The following TTN variants were observed in gnomAD, a reference collection of about 807,000 sequenced individuals.
TTN encodes titin, also known as connectin.
In TTN, 1,525 loss-of-function variants were observed where a neutral mutation model predicts 3,223.0. That is an observed-to-expected ratio of 0.47 (90% CI 0.45 to 0.49). The LOEUF (loss-of-function observed/expected upper bound fraction) is 0.49, where lower values mean the gene tolerates loss of function less well. Among genes scored for constraint, TTN ranks in the 20% least tolerant of loss-of-function variants. TTN has a pLI of 0.00. For missense variants in TTN, 40,786 were observed against 43,424.0 expected (o/e 0.94, Z 5.40); for synonymous variants, 14,094 against 15,161.0 (o/e 0.93, Z 5.17).
Position 178,695,849 on chromosome 2 carries a change from T to C in TTN, c.31207+16A>G. On this transcript the variant is annotated intron_variant, in intron 114 of 362. Transcript: ENST00000589042. ...ATGAAGAAAAGAGGGAAACAAGTCATTCAGTTTATACATACCTTCATAGAC... is the reference window on the plus strand; with the variant it reads ...ATGAAGAAAAGAGGGAAACAAGTCACTCAGTTTATACATACCTTCATAGAC... The C allele has an allele frequency of 7.3e-7, 1 of 1,374,992 alleles. No homozygotes were observed. Among genetic ancestry groups the C allele is most frequent in the Non-Finnish European group, 9.4e-7 (1 of 1,060,728 alleles). The allele number at this position is 1,374,992 out of a possible 1,614,324, so 85.2% of individuals were successfully genotyped here.
intron 240 of TTN, among the ~76,000 whole-genome samples, chr2:178,628,190 TTTG>T (rs753053226): frequency 1.2e-4 from 19 of 152,122 alleles, no homozygotes; most frequent in South Asian, 2.1e-4. Flanking sequence ...GAATACTAGT[TTTG>T]TTGTTGTTGT....
At position 178,554,560 on chromosome 2, in the gene TTN, G is replaced by A. The variant is rs786205371; in HGVS notation, c.88787C>T (p.Thr29596Ile). Reference protein sequence around the residue: ...EHLEECIITTTKIIKGNEYIF... With the variant: ...EHLEECIITTIKIIKGNEYIF... ...GTATTCATTTCCTTTGATAATTTTG[G>A]TGGTTGTAATGATGCACTCTTCCAA... Residue 29596 changes from threonine (T) to isoleucine (I), a missense_variant, in exon 332 of 363, where the codon ACC (threonine) becomes ATC (isoleucine). Thr to Ile is a moderately conservative substitution (Grantham distance 89, BLOSUM62 -1). Coordinates refer to ENST00000589042, the MANE Select transcript of TTN (RefSeq NM_001267550.2). The A allele has an allele frequency of 4.3e-6, 7 of 1,613,768 alleles. No homozygotes were observed. The highest frequency in any genetic ancestry group is 5.9e-6 in the Non-Finnish European group (7 of 1,179,824).
rs794729244 is a variant in TTN, at chr2:178,579,561, C to T, written c.67636G>A (p.Val22546Met). Residue 22546 changes from valine (V) to methionine (M), a missense_variant and splice_region_variant, in exon 319 of 363, where the codon GTG becomes ATG. Physicochemically the swap from Val to Met is conservative, Grantham distance 21. Coordinates refer to ENST00000589042, the MANE Select transcript of TTN (RefSeq NM_001267550.2). ...TGAAGATGTGTGCATAGAGCCTTAC[C>T]AACATCATCCCTTGCCACAACAGTG... ...EITVVARDDV[V>M]APDLDLKGLP... 6.2e-7 allele frequency: 1 copy of T among 1,612,922 alleles called. No individual in the cohort carries two copies. The highest frequency in any genetic ancestry group is 8.5e-7 in the Non-Finnish European group (1 of 1,179,440).
chr2:178,682,895 T>C lies in TTN; in HGVS notation c.32896A>G (p.Ile10966Val). The C allele has an allele frequency of 4.4e-6, 7 of 1,600,666 alleles. No individual in the cohort carries two copies. The highest frequency in any genetic ancestry group is 6.0e-6 in the Non-Finnish European group (7 of 1,174,482). Residue 10966 changes from isoleucine (I) to valine (V), a missense_variant, in exon 135 of 363, where the codon ATA becomes GTA. Transcript: ENST00000589042. ...TAAGCCCTTTCTTTCTCTTCCATTA[T>C]AGTTACTTCTGAAACAATATTAACA... is the stretch of plus-strand genomic sequence containing the variant. Reference protein sequence around the residue: ...REPQPIKEVTIMEEKERAYTL... With the variant: ...REPQPIKEVTVMEEKERAYTL...
intron 117 of TTN, 119 bp downstream of exon 117, chr2:178,694,479 TA>T: frequency 1.7e-6 from 1 of 602,574 alleles, no homozygotes; most frequent in Non-Finnish European, 2.8e-6. Context: ...TTGTATTATG[TA>T]AAAATGTGCT....
chr2:178,801,282 T>C (rs1344785013), intron 3 of TTN, among the ~76,000 whole-genome samples: 3 of 152,196 alleles, frequency 2.0e-5, no homozygotes, highest in African/African-American at 7.2e-5. Flanking sequence ...TTGGTTATGT[T>C]GAAGGAAATT....
At position 178,607,775 on chromosome 2, in the gene TTN, C is replaced by T. The variant is rs370352450; in HGVS notation, c.53002+10G>A. On this transcript the variant is annotated intron_variant, in intron 276 of 362. Coordinates refer to ENST00000589042, the MANE Select transcript of TTN (RefSeq NM_001267550.2). The stretch of plus-strand genomic sequence containing the variant: ...AATATCCATAATTTTATTCCAATAA[C>T]GTTAAGTACCTTGTGGTTCAGCCAC... 4.2e-5 allele frequency: 68 copies of T among 1,612,500 alleles called. No individual in the cohort carries two copies. The Admixed American group carries it at 8.0e-4, about 19-fold the overall frequency.
chr2:178,769,876 T>C lies in TTN; in HGVS notation c.8705A>G (p.Glu2902Gly). ...GACATTGAAGTGGGACACCTCACAC[T>C]CAAAAGAGGCAGTTTTGGTCTCAGG... Reference protein sequence around the residue: ...EVPETKTASFECEVSHFNVPS... With the variant: ...EVPETKTASFGCEVSHFNVPS... Residue 2902 changes from glutamate (E) to glycine (G), a missense_variant, in exon 37 of 363, where the codon GAG (glutamate) becomes GGG (glycine). Coordinates refer to ENST00000589042, the MANE Select transcript of TTN (RefSeq NM_001267550.2). The C allele has an allele frequency of 6.2e-7, 1 of 1,614,106 alleles. No individual in the cohort carries two copies. Among genetic ancestry groups the C allele is most frequent in the Non-Finnish European group, 8.5e-7 (1 of 1,180,000 alleles).
In TTN at chr2:178,567,027, C is replaced by T. The variant is rs778729064; in HGVS notation, c.79105G>A (p.Val26369Ile). 7 of 1,613,610 alleles carry T rather than the reference C, an allele frequency of 4.3e-6. No homozygotes were observed. Among genetic ancestry groups the T allele is most frequent in the Admixed American group, 3.3e-5 (2 of 59,998 alleles). ...GGTGCAGATTCCAAAGGCTCTCCAA[C>T]ACCATATTTGTTGACAGCCATTATA... ...FRIMAVNKYG[V>I]GEPLESAPVL... The change falls in exon 326 of 363, where the codon GTT (valine) becomes ATT (isoleucine). Residue 26369 changes from valine (V) to isoleucine (I), a missense_variant. Coordinates refer to ENST00000589042, the MANE Select transcript of TTN (RefSeq NM_001267550.2).
chr2:178,592,383 T>C lies in TTN; in HGVS notation c.59622A>G (p.Val19874=). ...GSKTVSVKVL[V]LDKPGPPRDL... ...CCTAAGTAGTAAAATTCTTACCTAATACAAGTACTTTTACTGAGACAGTTT... is the reference window on the plus strand; with the variant it reads ...CCTAAGTAGTAAAATTCTTACCTAACACAAGTACTTTTACTGAGACAGTTT... Residue 19874 remains valine, a synonymous_variant, in exon 301 of 363, where the codon GTA becomes GTG. Coordinates refer to ENST00000589042, the MANE Select transcript of TTN (RefSeq NM_001267550.2). 1 of 1,612,072 alleles carries C rather than the reference T, an allele frequency of 6.2e-7. No individual in the cohort carries two copies. Among genetic ancestry groups the C allele is most frequent in the Non-Finnish European group, 8.5e-7 (1 of 1,179,340 alleles).
chr2:178,696,244 A>G lies in TTN; in HGVS notation c.30828T>C (p.Ser10276=), dbSNP rs2073681234. 3.9e-6 allele frequency: 6 copies of G among 1,556,664 alleles called. No individual in the cohort carries two copies. In the East Asian group the frequency reaches 1.4e-4, roughly 36 times the overall value. ...AKAPEIIDVS[S]KAEEVKIMTI... is the part of the protein sequence containing the mutation. ...TCATTATTTTTACTTCTTCAGCTTT[A>G]GAGGATACATCAATGATTTCAGGAG... The change falls in exon 114 of 363, where the codon TCT becomes TCC. Residue 10276 remains serine (S), a synonymous_variant. Transcript: ENST00000589042.
At chr2:178,750,362 G>A in intron 47 of TTN, 3 of 1,613,122 alleles carry the variant, frequency 1.9e-6, no homozygotes, top group Non-Finnish European at 2.5e-6. Flanking sequence ...ACAAGTAATA[G>A]AACCTTCATT....
At chr2:178,666,031 C>A (rs982840850) in intron 163 of TTN, among the ~76,000 whole-genome samples, 1 of 152,050 alleles carries the variant, frequency 6.6e-6, no homozygotes, top group Non-Finnish European at 1.5e-5. Context: ...AAAACTAGAT[C>A]ATGGAAAGTG....
Position 178,575,065 on chromosome 2 carries a change from G to A in TTN, c.71067C>T (p.Thr23689=), listed in dbSNP as rs929759645. 2 of 1,613,352 alleles carry A rather than the reference G, an allele frequency of 1.2e-6. No individual in the cohort carries two copies. Among genetic ancestry groups the A allele is most frequent in the Non-Finnish European group, 1.7e-6 (2 of 1,179,594 alleles). The change falls in exon 326 of 363, where the codon ACC becomes ACT. Residue 23689 remains threonine, a synonymous_variant. Transcript: ENST00000589042. The surrounding 1 kb of genome is among the most constrained non-coding windows in gnomAD (Gnocchi z 4.0). ...TGACACACTCATTGATATTTAAAATGGTTGAAGTCGCTGTGGTTTCAAAAT... is the reference window on the plus strand; with the variant it reads ...TGACACACTCATTGATATTTAAAATAGTTGAAGTCGCTGTGGTTTCAAAAT... ...RVNFETTATS[T]ILNINECVRS... is the part of the protein sequence containing the mutation.
rs763858575 is a variant in TTN, at chr2:178,541,300, C to T, written c.97777G>A (p.Val32593Ile). Residue 32593 changes from valine (V) to isoleucine (I), a missense_variant, in exon 350 of 363, where the codon GTT (valine) becomes ATT (isoleucine). Val to Ile is a conservative substitution (Grantham distance 29). Transcript: ENST00000589042. ...GKPSRPSKPI[V>I]AMDPIAPPGK... ...TCCTTACCAATTGGATCCATGGCAA[C>T]GATGGGTTTGGAAGGACGACTTGGT... 18 of 1,514,508 alleles carry T rather than the reference C, an allele frequency of 1.2e-5. No individual in the cohort carries two copies. Among genetic ancestry groups the T allele is most frequent in the Admixed American group, 2.0e-5 (1 of 49,576 alleles). The allele number at this position is 1,514,508 out of a possible 1,614,324, so 93.8% of individuals were successfully genotyped here.
At position 178,599,645 on chromosome 2, in the gene TTN, C is replaced by T. The variant is rs111262307; in HGVS notation, c.56256G>A (p.Pro18752=). 7.9e-5 allele frequency: 128 copies of T among 1,612,582 alleles called. No homozygotes were observed. The highest frequency in any genetic ancestry group is 1.9e-4 in the African/African-American group (14 of 74,930). Residue 18752 remains proline (P), a synonymous_variant, in exon 289 of 363, where the codon CCG becomes CCA. Transcript: ENST00000589042. ...VVDDTCTLVI[P]QSRRSDTGLY... ...AGCCAGTGTCACTCCTGCGAGACTGCGGAATAACTAAAGTGCAAGTATCAT... is the reference window on the plus strand; with the variant it reads ...AGCCAGTGTCACTCCTGCGAGACTGTGGAATAACTAAAGTGCAAGTATCAT...
intron 236 of TTN, among the ~76,000 whole-genome samples, 172 bp from the exon 237 acceptor site, chr2:178,631,472 A>G (rs1227388223): frequency 6.6e-6 from 1 of 152,116 alleles, no homozygotes; most frequent in African/African-American, 2.4e-5. Flanking sequence ...TTAGGAAGGG[A>G]ATCAGTGTGT....
Position 178,777,704 on chromosome 2 carries a change from C to T in TTN, c.4480G>A (p.Gly1494Ser), listed in dbSNP as rs774506028. The T allele has an allele frequency of 2.5e-6, 4 of 1,613,842 alleles. No homozygotes were observed. The highest frequency in any genetic ancestry group is 3.4e-6 in the Non-Finnish European group (4 of 1,179,946). Residue 1494 changes from glycine (G) to serine (S), a missense_variant and splice_region_variant, in exon 25 of 363, where the codon GGC (glycine) becomes AGC (serine). Physicochemically the swap from Gly to Ser is moderately conservative, Grantham distance 56. Transcript: ENST00000589042. ...ATGAGCAAAAACTTATCACGCTTAC[C>T]ATCATGAAACCAGAACGTCTCTGGC... is the stretch of plus-strand genomic sequence containing the variant. ...PMPETFWFHD[G>S]QQIVNDYTHK... is the part of the protein sequence containing the mutation.
rs1263283618 is a variant in TTN, at chr2:178,614,253, T to A, written c.49144A>T (p.Lys16382Ter). 6.2e-7 allele frequency: 1 copy of A among 1,612,674 alleles called. No individual in the cohort carries two copies. Among genetic ancestry groups the A allele is most frequent in the Non-Finnish European group, 8.5e-7 (1 of 1,179,270 alleles). Reference sequence around the variant, plus strand: ...CTCTCCACAACATAGTTTGTGATCTTAGATCCACCATCATCGCGTGGTGGG... The same window carrying A: ...CTCTCCACAACATAGTTTGTGATCTAAGATCCACCATCATCGCGTGGTGGG... ...WNPPRDDGGSKITNYVVERRA... is the reference protein window; with the variant it reads ...WNPPRDDGGS The change falls in exon 262 of 363, where the codon AAG becomes TAG. Residue 16382 changes from lysine (K) to a stop codon, truncating the protein, a stop_gained. Coordinates refer to ENST00000589042, the MANE Select transcript of TTN (RefSeq NM_001267550.2). LOFTEE classifies it high-confidence loss of function.
Sources: gnomAD v4.1 joint callset for allele counts (sites outside exome capture counted in the v4.1 genomes callset) on GRCh38, gnomAD v4.1.1 for gene constraint, Gnocchi (gnomAD v3.1) non-coding constraint, MANE v1.5 for transcripts, NCBI Gene and HGNC (gene_info 2026-07-23, HGNC 2026-07-21) for gene names.